Variants in FGD4 observed in about 807,000 individuals in gnomAD.
FGD4 encodes the protein FYVE, RhoGEF and PH domain-containing protein 4.
Under a neutral mutation model 102.0 loss-of-function variants are expected in FGD4, and 42 were observed. That is an observed-to-expected ratio of 0.41 (90% CI 0.32 to 0.53). The LOEUF (loss-of-function observed/expected upper bound fraction) is 0.53. Ranked by LOEUF, FGD4 falls within the 20% of genes least tolerant of loss-of-function variation. FGD4 has a pLI of 0.21. For synonymous variants in FGD4, 380 were observed against 375.7 expected (o/e 1.01, Z -0.13); for missense variants, 902 against 1,078.2 (o/e 0.84, Z 2.29).
intron 1 of FGD4, among the ~76,000 whole-genome samples, chr12:32,482,966 GGTT>G (rs1943804232): frequency 6.6e-6 from 1 of 152,084 alleles, no homozygotes; most frequent in South Asian, 2.1e-4. Context: ...TTTTTGTTGA[GGTT>G]GTTATGAGGA....
intron 1 of FGD4, among the ~76,000 whole-genome samples, chr12:32,497,043 T>G (rs1335554774): frequency 5.9e-5 from 9 of 152,078 alleles, no homozygotes; most frequent in Non-Finnish European, 8.8e-5. Context: ...TTTTGATGGT[T>G]GGACTTGAAT....
intron 1 of FGD4, among the ~76,000 whole-genome samples, chr12:32,501,729 G>A (rs1467915827): frequency 2.0e-5 from 3 of 152,170 alleles, no homozygotes; most frequent in African/African-American, 7.2e-5. Context: ...AGCAGTTTCA[G>A]TTCTGATGTG....
At chr12:32,482,219 T>C (rs928130441) in intron 1 of FGD4, among the ~76,000 whole-genome samples, 1 of 152,264 alleles carries the variant, frequency 6.6e-6, no homozygotes, top group African/African-American at 2.4e-5. Context: ...TGTTTTTCCT[T>C]ATCTGCCAAA....
intron 10 of FGD4, among the ~76,000 whole-genome samples, chr12:32,617,460 G>T (rs1306607572): frequency 6.6e-6 from 1 of 152,172 alleles, no homozygotes; most frequent in Non-Finnish European, 1.5e-5. Flanking sequence ...AATTATTTCA[G>T]TCAAATATAT....
chr12:32,525,021 A>G (rs1178734180), intron 1 of FGD4, among the ~76,000 whole-genome samples: 1 of 152,236 alleles, frequency 6.6e-6, no homozygotes, highest in Non-Finnish European at 1.5e-5. Context: ...AAAGAACAAG[A>G]GCAAAACAGA....
chr12:32,445,940 G>C (rs771718043), intron 1 of FGD4, among the ~76,000 whole-genome samples: 19 of 152,302 alleles, frequency 1.2e-4, no homozygotes, highest in Admixed American at 8.5e-4. Context: ...GCCAAGGTGG[G>C]CAGATTGTTT....
chr12:32,622,917 C>G (rs1244683015), intron 11 of FGD4, among the ~76,000 whole-genome samples: 1 of 152,084 alleles, frequency 6.6e-6, no homozygotes, highest in Non-Finnish European at 1.5e-5. Flanking sequence ...AAGAATGGGA[C>G]AAACTGAAGT....
chr12:32,427,326 A>T (rs1941874323), intron 1 of FGD4, among the ~76,000 whole-genome samples: 1 of 152,174 alleles, frequency 6.6e-6, no homozygotes, highest in Non-Finnish European at 1.5e-5. Context: ...TTATTTACCC[A>T]GTAGTCATTC....
At chr12:32,404,998 A>G (rs1039418409) in intron 1 of FGD4, among the ~76,000 whole-genome samples, 4 of 152,062 alleles carry the variant, frequency 2.6e-5, no homozygotes, top group Non-Finnish European at 5.9e-5. Flanking sequence ...CAGTGGCGCA[A>G]TCTCGGCTCA....
chr12:32,632,707 TTA>T (rs145677021), intron 14 of FGD4, among the ~76,000 whole-genome samples: 4 of 119,296 alleles, frequency 3.4e-5, no homozygotes, highest in African/African-American at 1.5e-4. Context: ...ATTTATTTAT[TTA>T]TTTATTTTTT....
In FGD4 at chr12:32,399,687, C is replaced by G; in HGVS notation, c.-107C>G. The G allele has an allele frequency of 4.1e-6, 6 of 1,460,030 alleles. No individual in the cohort carries two copies. In the South Asian group the frequency reaches 6.9e-5, roughly 17 times the overall value. The allele number at this position is 1,460,030 out of a possible 1,614,324, so 90.4% of individuals were successfully genotyped here. A position where few individuals can be genotyped will look rare whatever the true frequency, so the allele number is the denominator to read the frequency against. On this transcript the variant is annotated 5_prime_UTR_variant, in exon 1 of 17. Transcript: ENST00000534526. ...TGAGGAGACGCCGCAGTAGAGGGCG[C>G]CCCCGGAGTCGCGCCGAACCTGGGC... is the stretch of plus-strand genomic sequence containing the variant.
At position 32,422,444 on chromosome 12, in the gene FGD4, G is replaced by A. The variant is rs537842539; in HGVS notation, c.166+22485G>A. On this transcript the variant is annotated intron_variant, in intron 1 of 16. Transcript: ENST00000534526. ...CTCCCAAGTAGCTGGGACTACAGGCGCCCGCCACCATGCCTGGCTAATTTT... is the reference window on the plus strand; with the variant it reads ...CTCCCAAGTAGCTGGGACTACAGGCACCCGCCACCATGCCTGGCTAATTTT... 9.3e-5 allele frequency among the ~76,000 whole-genome samples: 14 copies of A among 150,552 alleles called. No homozygotes were observed. In the East Asian group the frequency reaches 1.2e-3, roughly 13 times the overall value.
At chr12:32,473,016 G>T (rs1444224442) in intron 1 of FGD4, among the ~76,000 whole-genome samples, 1 of 151,552 alleles carries the variant, frequency 6.6e-6, no homozygotes, top group Non-Finnish European at 1.5e-5. Context: ...TGCACCAATC[G>T]ACACTCTGTA....
At chr12:32,453,293 GCA>G in intron 1 of FGD4, among the ~76,000 whole-genome samples, 1 of 147,668 alleles carries the variant, frequency 6.8e-6, no homozygotes, top group South Asian at 2.1e-4. Flanking sequence ...GAGCAGAGTG[GCA>G]CAGTCTTGGC....
At chr12:32,409,636 T>C (rs1370072442) in intron 1 of FGD4, among the ~76,000 whole-genome samples, 1 of 152,144 alleles carries the variant, frequency 6.6e-6, no homozygotes, top group Non-Finnish European at 1.5e-5. Flanking sequence ...ATCTTTGCCA[T>C]AGTCAAAAAC....
intron 4 of FGD4, among the ~76,000 whole-genome samples, chr12:32,593,396 C>T (rs934430814): frequency 2.6e-5 from 4 of 152,108 alleles, no homozygotes; most frequent in Non-Finnish European, 4.4e-5. Context: ...GTGATTAAAC[C>T]GTATGTTGTC....
intron 1 of FGD4, among the ~76,000 whole-genome samples, chr12:32,504,989 T>A (rs1938567655): frequency 6.6e-6 from 1 of 152,214 alleles, no homozygotes; most frequent in East Asian, 1.9e-4. Flanking sequence ...AGTCCTTCAG[T>A]TTCTTTGCTT....
chr12:32,478,263 G>A (rs1369965813), intron 1 of FGD4, among the ~76,000 whole-genome samples: 1 of 152,110 alleles, frequency 6.6e-6, no homozygotes, highest in Non-Finnish European at 1.5e-5. Flanking sequence ...TTTCTTCAAT[G>A]TGATTGTGTT....
chr12:32,566,947 GA>G (rs1318582461), intron 2 of FGD4, among the ~76,000 whole-genome samples: 1 of 152,182 alleles, frequency 6.6e-6, no homozygotes, highest in South Asian at 2.1e-4. Flanking sequence ...AAAGCAGAAA[GA>G]AAAAGCAGAT....
Sources: gnomAD v4.1 joint callset for allele counts (sites outside exome capture counted in the v4.1 genomes callset) on GRCh38, gnomAD v4.1.1 for gene constraint, MANE v1.5 for transcripts, NCBI Gene and HGNC (gene_info 2026-07-23, HGNC 2026-07-21) for gene names.